The following TENM4 variants were observed in gnomAD, a reference collection of about 807,000 sequenced individuals.
The protein encoded by TENM4 is teneurin transmembrane protein 4.
TENM4 carries 82 observed loss-of-function variants against 243.3 expected under a neutral mutation model. The ratio of observed to expected loss-of-function variants is 0.34; its 90% CI spans 0.28 to 0.40. The LOEUF (loss-of-function observed/expected upper bound fraction) is 0.40, where lower values mean the gene tolerates loss of function less well. Ranked by LOEUF, TENM4 falls within the 10% of genes least tolerant of loss-of-function variation. The pLI, the probability that TENM4 is intolerant of heterozygous loss-of-function variation, is 1.00. For missense variants in TENM4, 3,138 were observed against 3,673.3 expected, an observed-to-expected ratio of 0.85 and a Z score of 3.77; for synonymous variants, 1,412 against 1,456.3, an observed-to-expected ratio of 0.97 and a Z score of 0.69.
intron 33 of TENM4, among the ~76,000 whole-genome samples, 160 bp from the exon 34 acceptor site, chr11:78,658,976 G>A (rs1857969872): frequency 6.6e-6 from 1 of 152,114 alleles, no homozygotes; most frequent in South Asian, 2.1e-4. Context: ...GTGGTCGCCA[G>A]AAGGTCAGAA....
chr11:78,714,640 C>T (rs1348164251), intron 25 of TENM4, among the ~76,000 whole-genome samples: 1 of 152,188 alleles, frequency 6.6e-6, no homozygotes, highest in African/African-American at 2.4e-5. Flanking sequence ...CCTGCCCCTG[C>T]ACAAATCCCA....
At chr11:78,787,406 T>C (rs1294262493) in intron 15 of TENM4, among the ~76,000 whole-genome samples, 3 of 152,222 alleles carry the variant, frequency 2.0e-5, no homozygotes, top group Non-Finnish European at 2.9e-5. Flanking sequence ...AACCTGTCCC[T>C]GCCTTTGTGC....
At chr11:79,404,339 C>T (rs1389654531) in intron 1 of TENM4, among the ~76,000 whole-genome samples, 1 of 152,126 alleles carries the variant, frequency 6.6e-6, no homozygotes, top group Non-Finnish European at 1.5e-5. Context: ...GGAAAAAGCT[C>T]AATGAGCACA....
chr11:78,902,577 T>G (rs1855954557), intron 7 of TENM4, among the ~76,000 whole-genome samples: 1 of 152,230 alleles, frequency 6.6e-6, no homozygotes, highest in African/African-American at 2.4e-5. Flanking sequence ...GAGCTAGTGA[T>G]GGACCCGCTC....
intron 6 of TENM4, among the ~76,000 whole-genome samples, chr11:78,949,562 T>C (rs180911113): frequency 8.5e-5 from 13 of 152,236 alleles, no homozygotes; most frequent in African/African-American, 3.1e-4. Flanking sequence ...CAGAAGCAAA[T>C]GTAGGAAACT....
intron 7 of TENM4, among the ~76,000 whole-genome samples, chr11:78,897,733 T>G (rs1310394793): frequency 6.6e-6 from 1 of 152,252 alleles, no homozygotes; most frequent in Admixed American, 6.5e-5. Flanking sequence ...CAAGGAAGAC[T>G]GTATATCCCA....
At chr11:79,038,732 G>A (rs1236429022) in intron 6 of TENM4, among the ~76,000 whole-genome samples, 2 of 152,148 alleles carry the variant, frequency 1.3e-5, no homozygotes, top group Non-Finnish European at 2.9e-5. Context: ...CAAGACCTCT[G>A]GGCACTAACT....
chr11:78,716,634 A>T (rs1266889263), intron 25 of TENM4, among the ~76,000 whole-genome samples: 1 of 152,238 alleles, frequency 6.6e-6, no homozygotes, highest in Non-Finnish European at 1.5e-5. Flanking sequence ...GAGATTTAAA[A>T]ATAGCCCTAC....
chr11:78,906,176 G>T (rs536330127), intron 6 of TENM4, among the ~76,000 whole-genome samples: 1 of 152,354 alleles, frequency 6.6e-6, no homozygotes, highest in Admixed American at 6.5e-5. Context: ...CATCTGTAAT[G>T]TGTGCTTTCA....
chr11:79,055,866 C>T (rs560995140), intron 6 of TENM4, among the ~76,000 whole-genome samples: 3 of 152,152 alleles, frequency 2.0e-5, no homozygotes, highest in Non-Finnish European at 2.9e-5. Context: ...TGACCTTTTT[C>T]GGCTGATGGG....
chr11:78,673,655 T>C (rs918373686), intron 30 of TENM4, among the ~76,000 whole-genome samples: 3 of 152,300 alleles, frequency 2.0e-5, no homozygotes, highest in South Asian at 4.1e-4. Flanking sequence ...GTTGTGAAGG[T>C]TGAAGAAACT....
intron 25 of TENM4, among the ~76,000 whole-genome samples, chr11:78,715,657 T>C (rs1859505231): frequency 6.6e-6 from 1 of 152,182 alleles, no homozygotes; most frequent in Admixed American, 6.5e-5. Flanking sequence ...TTAGAAGGTG[T>C]AGGCTCTCAT....
chr11:79,303,147 T>C (rs1157045533), intron 1 of TENM4, among the ~76,000 whole-genome samples: 2 of 152,210 alleles, frequency 1.3e-5, no homozygotes, highest in South Asian at 2.1e-4. Flanking sequence ...TTCAAGATTC[T>C]GCTTCAAGAT....
At chr11:79,425,227 A>G (rs1399559538) in intron 1 of TENM4, among the ~76,000 whole-genome samples, 1 of 152,182 alleles carries the variant, frequency 6.6e-6, no homozygotes, top group Non-Finnish European at 1.5e-5. Flanking sequence ...AAAGGGACCC[A>G]GCCTTTCTGT....
chr11:79,425,724 G>T (rs182641992), intron 1 of TENM4, among the ~76,000 whole-genome samples: 1 of 152,294 alleles, frequency 6.6e-6, no homozygotes, highest in Non-Finnish European at 1.5e-5. Flanking sequence ...ACGTGGCCTT[G>T]GCTCCCATCC....
intron 15 of TENM4, among the ~76,000 whole-genome samples, chr11:78,804,203 G>C (rs1857342538): frequency 6.6e-6 from 1 of 152,116 alleles, no homozygotes; most frequent in South Asian, 2.1e-4. Flanking sequence ...TTAGCTTTTT[G>C]TCCCTGGGCA....
At chr11:78,843,431 G>A (rs72941732) in intron 12 of TENM4, among the ~76,000 whole-genome samples, 5,019 of 152,050 alleles carry the variant, frequency 0.033, 92 homozygotes, top group Middle Eastern at 0.092. Context: ...AAGCTGCAGC[G>A]AGCTATGATT....
At chr11:78,899,569 G>GT (rs1184218317) in intron 7 of TENM4, among the ~76,000 whole-genome samples, 2 of 123,762 alleles carry the variant, frequency 1.6e-5, no homozygotes, top group African/African-American at 5.7e-5. Context: ...CGGGGGGGGG[G>GT]GGAAAAAGAA....
chr11:79,367,696 A>T (rs1291481973), intron 1 of TENM4, among the ~76,000 whole-genome samples: 1 of 152,214 alleles, frequency 6.6e-6, no homozygotes, highest in African/African-American at 2.4e-5. Flanking sequence ...AACTACCTAA[A>T]AATAGAGCAG....
Sources: allele counts gnomAD v4.1 joint callset (sites outside exome capture counted in the v4.1 genomes callset), GRCh38; gene constraint gnomAD v4.1.1; transcripts MANE v1.5; gene names NCBI Gene and HGNC (gene_info 2026-07-23, HGNC 2026-07-21).